CALN1: variants seen among roughly 807,000 people sequenced by gnomAD.
The protein encoded by CALN1 is calcium-binding protein 8.
CALN1 carries 17 observed loss-of-function variants against 30.6 expected under a neutral mutation model. That is an observed-to-expected ratio of 0.56 (90% CI 0.38 to 0.83). CALN1 has a LOEUF of 0.83. Ranked by LOEUF, CALN1 falls within the 40% of genes least tolerant of loss-of-function variation. The probability of loss-of-function intolerance (pLI) is 0.00; values close to 1 mark genes in which losing one functional copy is unlikely to be tolerated. For synonymous variants in CALN1, 156 were observed against 131.4 expected (o/e 1.19, Z -1.28); for missense variants, 291 against 354.9 (o/e 0.82, Z 1.45).
chr7:72,127,571 T>C (rs372983847), intron 3 of CALN1, among the ~76,000 whole-genome samples: 1 of 152,040 alleles, frequency 6.6e-6, no homozygotes, highest in African/African-American at 2.4e-5. Flanking sequence ...GTGGTCAACG[T>C]ATATATGGGT....
At chr7:72,333,231 G>A (rs1201095248) in intron 2 of CALN1, among the ~76,000 whole-genome samples, 1 of 152,126 alleles carries the variant, frequency 6.6e-6, no homozygotes, top group Non-Finnish European at 1.5e-5. Context: ...ATCCATCTCT[G>A]TTCACAAATG....
In CALN1 at chr7:72,101,831, CA is replaced by C. The variant is rs1331230384; in HGVS notation, c.388+4319del. ...TATCTAATGCTCAACCTGGGCACGC[CA>C]AAAGCCCAGTCCTCTCGTGCCCGAT... On this transcript the variant is annotated intron_variant, in intron 4 of 6. Coordinates refer to ENST00000395275, the MANE Select transcript of CALN1 (RefSeq NM_031468.4). Among the ~76,000 whole-genome samples the C allele has an allele frequency of 3.3e-5, 5 of 152,084 alleles. No individual in the cohort carries two copies. The East Asian group carries it at 7.7e-4, about 24-fold the overall frequency.
intron 2 of CALN1, among the ~76,000 whole-genome samples, chr7:72,292,663 A>G (rs1398954799): frequency 6.6e-6 from 1 of 151,228 alleles, no homozygotes; most frequent in Admixed American, 6.6e-5. Context: ...TCTACTAAAA[A>G]TATAAAAATT....
chr7:72,006,445 C>T (rs115196096), intron 5 of CALN1, among the ~76,000 whole-genome samples: 2,421 of 152,164 alleles, frequency 0.016, 53 homozygotes, highest in African/African-American at 0.056. Flanking sequence ...GAACTGTGAA[C>T]AAGCAACAGT....
intron 4 of CALN1, among the ~76,000 whole-genome samples, chr7:72,065,083 T>A (rs1274430587): frequency 6.7e-6 from 1 of 148,226 alleles, no homozygotes; most frequent in Non-Finnish European, 1.5e-5. Flanking sequence ...TATTTATATG[T>A]TAATATTAAT....
At chr7:72,375,445 G>T (rs1804499318) in intron 2 of CALN1, among the ~76,000 whole-genome samples, 1 of 151,658 alleles carries the variant, frequency 6.6e-6, no homozygotes, top group African/African-American at 2.4e-5. Flanking sequence ...CACACCTGTA[G>T]TTCCAGCTAC....
At chr7:72,292,206 A>T (rs1217880173) in intron 2 of CALN1, among the ~76,000 whole-genome samples, 1 of 151,794 alleles carries the variant, frequency 6.6e-6, no homozygotes, top group African/African-American at 2.4e-5. Flanking sequence ...AACAACAAAC[A>T]TTTATTTCTC....
At chr7:72,083,182 C>A (rs2129538990) in intron 4 of CALN1, among the ~76,000 whole-genome samples, 1 of 151,474 alleles carries the variant, frequency 6.6e-6, no homozygotes, top group East Asian at 1.9e-4. Flanking sequence ...GCCTGAGAAA[C>A]AGACAGAGAC....
the CALN1 span, among the ~76,000 whole-genome samples, chr7:72,491,542 C>T: frequency 2.0e-5 from 3 of 152,212 alleles, no homozygotes; most frequent in Admixed American, 1.3e-4. Flanking sequence ...GCAGCCCAGC[C>T]TGGGCAACAT....
At position 71,950,645 on chromosome 7, in the gene CALN1, G is replaced by A. The variant is rs186771400; in HGVS notation, c.501+73012C>T. ...ACACCCCCGATCCACAGAGCCACCC[G>A]AGTCAGACTTTGAAACTGTAAATCC... is the stretch of plus-strand genomic sequence containing the variant. On this transcript the variant is annotated intron_variant, in intron 5 of 6. Transcript: ENST00000395275. Among the ~76,000 whole-genome samples, 117 of 152,164 alleles carry A rather than the reference G, an allele frequency of 7.7e-4. 1 individual carries two copies. The highest frequency in any genetic ancestry group is 4.0e-4 in the Non-Finnish European group (27 of 68,000).
At position 72,070,558 on chromosome 7, in the gene CALN1, A is replaced by G. The variant is rs969165406; in HGVS notation, c.388+35593T>C. Among the ~76,000 whole-genome samples, 9 of 152,174 alleles carry G rather than the reference A, an allele frequency of 5.9e-5. No individual in the cohort carries two copies. In the East Asian group the frequency reaches 1.7e-3, roughly 29 times the overall value. On this transcript the variant is annotated intron_variant, in intron 4 of 6. Transcript: ENST00000395275. The stretch of plus-strand genomic sequence containing the variant: ...GCTTGGGCCCTTTTAGAATTTATTT[A>G]TTTCTCCCACTTCGTTCTTCTTCAA...
At chr7:72,500,233 T>C in the CALN1 span, among the ~76,000 whole-genome samples, 1 of 142,636 alleles carries the variant, frequency 7.0e-6, no homozygotes, top group African/African-American at 2.6e-5. Context: ...TTTCTGTGTC[T>C]CTTTTGTGGG....
At chr7:72,501,922 AAAAAAAATATATATAT>A in the CALN1 span, among the ~76,000 whole-genome samples, 3 of 86,040 alleles carry the variant, frequency 3.5e-5, no homozygotes, top group African/African-American at 6.7e-5. Context: ...AAAAAAAAAA[AAAAAAAATATATATAT>A]ATATATATAT....
intron 4 of CALN1, among the ~76,000 whole-genome samples, chr7:72,088,119 G>A (rs1805602913): frequency 1.3e-5 from 2 of 152,106 alleles, no homozygotes; most frequent in African/African-American, 2.4e-5. Context: ...AGTGAGCTTT[G>A]ATTGCACCAC....
chr7:72,382,897 T>G (rs1462374850), intron 2 of CALN1, among the ~76,000 whole-genome samples: 1 of 152,182 alleles, frequency 6.6e-6, no homozygotes, highest in African/African-American at 2.4e-5. Context: ...CAAGCAATTC[T>G]CCTGCCTCAG....
intron 3 of CALN1, among the ~76,000 whole-genome samples, chr7:72,183,732 C>T (rs1191766422): frequency 6.6e-6 from 1 of 152,174 alleles, no homozygotes; most frequent in African/African-American, 2.4e-5. Context: ...TTTAAAAACA[C>T]ATGCAGGGCA....
chr7:72,157,980 G>A (rs113618026), intron 3 of CALN1, among the ~76,000 whole-genome samples: 32 of 152,212 alleles, frequency 2.1e-4, no homozygotes, highest in African/African-American at 7.5e-4. Flanking sequence ...CCTGACCTCA[G>A]CTGATCCACC....
chr7:72,344,187 A>T (rs1802511202), intron 2 of CALN1, among the ~76,000 whole-genome samples: 1 of 152,102 alleles, frequency 6.6e-6, no homozygotes, highest in African/African-American at 2.4e-5. Flanking sequence ...CCCTGCTGTG[A>T]GCGTCTTCCC....
intron 5 of CALN1, among the ~76,000 whole-genome samples, chr7:71,967,339 A>C (rs1269531483): frequency 6.6e-6 from 1 of 152,140 alleles, no homozygotes; most frequent in Non-Finnish European, 1.5e-5. Flanking sequence ...AATACCTGTT[A>C]AAGAAACCTG....
Sources: gnomAD v4.1 joint callset for allele counts (sites outside exome capture counted in the v4.1 genomes callset) on GRCh38, gnomAD v4.1.1 for gene constraint, MANE v1.5 for transcripts, NCBI Gene and HGNC (gene_info 2026-07-23, HGNC 2026-07-21) for gene names.